RAD51B: variants seen among roughly 807,000 people sequenced by gnomAD.
RAD51B encodes DNA repair protein RAD51 homolog 2.
In RAD51B, 38 loss-of-function variants were observed where a neutral mutation model predicts 42.2. The ratio of observed to expected loss-of-function variants is 0.90; its 90% CI spans 0.70 to 1.18. The LOEUF (loss-of-function observed/expected upper bound fraction) is 1.18. Ranked by LOEUF, RAD51B falls within the 50% of genes most tolerant of loss-of-function variation. RAD51B has a pLI of 0.00. For synonymous variants in RAD51B, 154 were observed against 145.2 expected (o/e 1.06, Z -0.43); for missense variants, 373 against 400.7 (o/e 0.93, Z 0.59).
intron 7 of RAD51B, among the ~76,000 whole-genome samples, chr14:68,081,406 T>A (rs1223499215): frequency 6.6e-6 from 1 of 152,136 alleles, no homozygotes; most frequent in African/African-American, 2.4e-5. Flanking sequence ...ACAGGACATG[T>A]GTTCGGTTCA....
chr14:67,875,012 A>G (rs1023751280), intron 5 of RAD51B, among the ~76,000 whole-genome samples: 2 of 152,156 alleles, frequency 1.3e-5, no homozygotes, highest in African/African-American at 4.8e-5. Context: ...AGAACTGCAA[A>G]TTGAAGGGGA....
chr14:68,195,658 C>T lies in RAD51B; in HGVS notation c.757-96226C>T, dbSNP rs1463418584. 2.0e-5 allele frequency among the ~76,000 whole-genome samples: 3 copies of T among 152,150 alleles called. No individual in the cohort carries two copies. In the East Asian group the frequency reaches 5.8e-4, roughly 29 times the overall value. Reference sequence around the variant, plus strand: ...GCATGGTAGCTTACACCTGTAATCCCAGCACTTTGGGAGGCTGAGGCAGGT... The same window carrying T: ...GCATGGTAGCTTACACCTGTAATCCTAGCACTTTGGGAGGCTGAGGCAGGT... On this transcript the variant is annotated intron_variant, in intron 7 of 10. Coordinates refer to ENST00000471583, the MANE Select transcript of RAD51B (RefSeq NM_133510.4).
At chr14:68,461,383 CT>C (rs943525683) in intron 9 of RAD51B, among the ~76,000 whole-genome samples, 2 of 150,406 alleles carry the variant, frequency 1.3e-5, no homozygotes, top group African/African-American at 4.9e-5. Context: ...TGTATCCTGC[CT>C]CATTTAATGT....
chr14:68,191,969 C>G (rs1414453207), intron 7 of RAD51B, among the ~76,000 whole-genome samples: 2 of 152,126 alleles, frequency 1.3e-5, no homozygotes, highest in African/African-American at 2.4e-5. Flanking sequence ...TACTCAGATA[C>G]ACTCAGATTC....
At chr14:68,299,108 TC>T (rs1371334365) in intron 8 of RAD51B, among the ~76,000 whole-genome samples, 1 of 151,848 alleles carries the variant, frequency 6.6e-6, no homozygotes, top group Non-Finnish European at 1.5e-5. Flanking sequence ...TGTTCTTCAG[TC>T]GAAGATATGG....
At chr14:68,477,215 G>A (rs1882705886) in intron 10 of RAD51B, among the ~76,000 whole-genome samples, 1 of 152,212 alleles carries the variant, frequency 6.6e-6, no homozygotes, top group Non-Finnish European at 1.5e-5. Context: ...CCATCATAGT[G>A]GAAGTATTGG....
chr14:68,310,728 C>T (rs1351205204), intron 8 of RAD51B, among the ~76,000 whole-genome samples: 1 of 152,008 alleles, frequency 6.6e-6, no homozygotes, highest in Non-Finnish European at 1.5e-5. Context: ...ATCTGTAATC[C>T]CGGCTACTCG....
At chr14:68,372,628 G>C (rs1220101864) in intron 8 of RAD51B, among the ~76,000 whole-genome samples, 1 of 152,022 alleles carries the variant, frequency 6.6e-6, no homozygotes, top group East Asian at 1.9e-4. Context: ...CAGAAAAGAG[G>C]GTCATTAAAA....
intron 7 of RAD51B, among the ~76,000 whole-genome samples, chr14:68,260,298 C>CGTGTGTGTGTGTGTGTGTGTGGGTGTGT (rs2080856494): frequency 1.0e-5 from 1 of 96,620 alleles, no homozygotes; most frequent in Non-Finnish European, 2.0e-5. Flanking sequence ...GCTGAGAGAC[C>CGTGTGTGTGTGTGTGTGTGTGGGTGTGT]GTGTGTGTGT....
intron 7 of RAD51B, among the ~76,000 whole-genome samples, chr14:68,238,239 T>G (rs546692864): frequency 6.6e-6 from 1 of 152,328 alleles, no homozygotes; most frequent in Admixed American, 6.5e-5. Flanking sequence ...TATTTCATGG[T>G]GATTTTGATC....
intron 7 of RAD51B, among the ~76,000 whole-genome samples, chr14:67,986,464 G>A (rs1322724561): frequency 6.6e-6 from 1 of 152,146 alleles, no homozygotes; most frequent in Non-Finnish European, 1.5e-5. Flanking sequence ...GTTGACATGT[G>A]TAATTTCTTT....
intron 9 of RAD51B, among the ~76,000 whole-genome samples, chr14:68,433,813 G>A (rs12896062): frequency 0.14 from 21,071 of 152,204 alleles, 1,762 homozygotes; most frequent in East Asian, 0.46. Flanking sequence ...TTTGGAGGGG[G>A]AGAGGCACTC....
At chr14:68,554,438 T>A (rs1450633390) in intron 10 of RAD51B, among the ~76,000 whole-genome samples, 1 of 152,132 alleles carries the variant, frequency 6.6e-6, no homozygotes, top group Admixed American at 6.5e-5. Context: ...GAGGTTTCCC[T>A]TGGTGAGTGG....
At chr14:68,522,325 C>T (rs1886637121) in intron 10 of RAD51B, among the ~76,000 whole-genome samples, 1 of 152,148 alleles carries the variant, frequency 6.6e-6, no homozygotes, top group Non-Finnish European at 1.5e-5. Flanking sequence ...GCTTCTGTCT[C>T]CTGAGAGAGA....
At chr14:68,538,347 G>A (rs1887762091) in intron 10 of RAD51B, among the ~76,000 whole-genome samples, 1 of 152,218 alleles carries the variant, frequency 6.6e-6, no homozygotes, top group African/African-American at 2.4e-5. Flanking sequence ...AGGGCCGGGG[G>A]CCAGGAGCCA....
chr14:67,878,248 T>TA (rs1314308209), intron 5 of RAD51B, among the ~76,000 whole-genome samples: 1 of 152,226 alleles, frequency 6.6e-6, no homozygotes, highest in Non-Finnish European at 1.5e-5. Flanking sequence ...TTAGTTTCTT[T>TA]AATTTTGTCA....
At chr14:67,933,376 C>T (rs2044811849) in intron 7 of RAD51B, among the ~76,000 whole-genome samples, 1 of 152,192 alleles carries the variant, frequency 6.6e-6, no homozygotes, top group Non-Finnish European at 1.5e-5. Flanking sequence ...GGTCAGGATG[C>T]AGTCCTATGA....
intron 8 of RAD51B, among the ~76,000 whole-genome samples, chr14:68,335,465 A>G (rs2082437129): frequency 6.6e-6 from 1 of 152,174 alleles, no homozygotes; most frequent in Non-Finnish European, 1.5e-5. Context: ...TCTGATTTGC[A>G]TCTTTGCAGT....
intron 7 of RAD51B, among the ~76,000 whole-genome samples, chr14:68,016,150 C>T (rs1371161681): frequency 6.6e-6 from 1 of 152,174 alleles, no homozygotes; most frequent in Non-Finnish European, 1.5e-5. Context: ...GATTAAAATG[C>T]TTAGCCATCA....
Sources: allele counts gnomAD v4.1 joint callset (sites outside exome capture counted in the v4.1 genomes callset), GRCh38; gene constraint gnomAD v4.1.1; transcripts MANE v1.5; gene names NCBI Gene and HGNC (gene_info 2026-07-23, HGNC 2026-07-21).